The following CACNA2D3 variants were observed in gnomAD, a reference collection of about 807,000 sequenced individuals.
CACNA2D3 encodes the protein calcium voltage-gated channel auxiliary subunit alpha2delta 3.
Under a neutral mutation model 160.6 loss-of-function variants are expected in CACNA2D3, and 60 were observed. That is an observed-to-expected ratio of 0.37 (90% CI 0.30 to 0.46). The LOEUF is 0.46. Among genes scored for constraint, CACNA2D3 ranks in the 20% least tolerant of loss-of-function variants. CACNA2D3 has a pLI of 1.00. For synonymous variants in CACNA2D3, 558 were observed against 492.9 expected, an observed-to-expected ratio of 1.13 and a Z score of -1.75; for missense variants, 1,205 against 1,365.0, an observed-to-expected ratio of 0.88 and a Z score of 1.85.
At chr3:54,851,390 A>G (rs1183803024) in intron 17 of CACNA2D3, among the ~76,000 whole-genome samples, 1 of 152,194 alleles carries the variant, frequency 6.6e-6, no homozygotes, top group African/African-American at 2.4e-5. Context: ...AAATATCCTC[A>G]TGTTACAGAT....
intron 13 of CACNA2D3, among the ~76,000 whole-genome samples, chr3:54,790,598 T>G (rs1165043579): frequency 6.6e-6 from 1 of 152,214 alleles, no homozygotes; most frequent in Admixed American, 6.5e-5. Context: ...TCGGAATTCC[T>G]GATGCCTGAT....
intron 13 of CACNA2D3, among the ~76,000 whole-genome samples, chr3:54,806,567 T>A (rs1042850461): frequency 1.3e-5 from 2 of 151,822 alleles, no homozygotes; most frequent in African/African-American, 4.8e-5. Context: ...TACAAACAAA[T>A]GGAAGAAAAT....
At chr3:54,582,080 C>T (rs1307293055) in intron 9 of CACNA2D3, among the ~76,000 whole-genome samples, 2 of 152,172 alleles carry the variant, frequency 1.3e-5, no homozygotes, top group Non-Finnish European at 2.9e-5. Context: ...CTTGCTAGTT[C>T]TGAAACAATT....
chr3:54,374,610 T>G (rs990406026), intron 3 of CACNA2D3, among the ~76,000 whole-genome samples: 3 of 152,178 alleles, frequency 2.0e-5, no homozygotes, highest in East Asian at 3.9e-4. Flanking sequence ...TCAGTGTTCC[T>G]CCTGAGCTCA....
intron 17 of CACNA2D3, among the ~76,000 whole-genome samples, chr3:54,855,700 C>G (rs559480185): frequency 6.7e-4 from 102 of 152,308 alleles, no homozygotes; most frequent in African/African-American, 2.3e-3. Flanking sequence ...CATTATTTAT[C>G]TATCTCCCAT....
intron 27 of CACNA2D3, among the ~76,000 whole-genome samples, chr3:54,965,419 G>A (rs919390204): frequency 6.6e-6 from 1 of 152,034 alleles, no homozygotes; most frequent in African/African-American, 2.4e-5. Flanking sequence ...ATCTTCCCTG[G>A]CTTCTTACTG....
chr3:54,495,958 T>C (rs1050550271), intron 4 of CACNA2D3, among the ~76,000 whole-genome samples: 1 of 152,248 alleles, frequency 6.6e-6, no homozygotes. Context: ...TCAGAATGTT[T>C]GTGAGATTCA....
chr3:54,515,205 A>G (rs933406791), intron 5 of CACNA2D3, among the ~76,000 whole-genome samples: 1 of 150,770 alleles, frequency 6.6e-6, no homozygotes, highest in African/African-American at 2.4e-5. Context: ...TGTGTGAGAG[A>G]GAGAGAGAGA....
chr3:54,190,191 C>T (rs1700954637), intron 2 of CACNA2D3, among the ~76,000 whole-genome samples: 1 of 152,158 alleles, frequency 6.6e-6, no homozygotes, highest in Non-Finnish European at 1.5e-5. Context: ...CCTCCAAAGG[C>T]CCTGCTTCCT....
Position 54,203,782 on chromosome 3 carries a change from C to T in CACNA2D3, c.204+80188C>T, listed in dbSNP as rs144631505. Reference sequence around the variant, plus strand: ...GCTTCCTCGATGTCCTCTCGCTGTCCGGCCGCTTGTGTCTTCTTCCGCTGA... The same window carrying T: ...GCTTCCTCGATGTCCTCTCGCTGTCTGGCCGCTTGTGTCTTCTTCCGCTGA... On this transcript the variant is annotated intron_variant, in intron 2 of 37. Transcript: ENST00000474759. Among the ~76,000 whole-genome samples, 325 of 152,150 alleles carry T rather than the reference C, an allele frequency of 2.1e-3. 2 individuals are homozygous for T. Among genetic ancestry groups the T allele is most frequent in the East Asian group, 0.02 (102 of 5,158 alleles).
At chr3:54,784,755 A>C (rs1023905959) in intron 13 of CACNA2D3, among the ~76,000 whole-genome samples, 1 of 152,212 alleles carries the variant, frequency 6.6e-6, no homozygotes, top group Non-Finnish European at 1.5e-5. Context: ...AGGGAGCAGC[A>C]GACTTCGTGA....
chr3:54,727,934 T>C (rs965244289), intron 11 of CACNA2D3, among the ~76,000 whole-genome samples: 17 of 152,270 alleles, frequency 1.1e-4, no homozygotes, highest in Admixed American at 2.0e-4. Flanking sequence ...TCTGTCATTT[T>C]AGACCTTTCT....
intron 27 of CACNA2D3, among the ~76,000 whole-genome samples, chr3:54,923,621 C>T (rs1700917307): frequency 6.6e-6 from 1 of 152,184 alleles, no homozygotes; most frequent in Non-Finnish European, 1.5e-5. Flanking sequence ...TAGGCACTGC[C>T]ATCTTCTCAG....
intron 2 of CACNA2D3, among the ~76,000 whole-genome samples, chr3:54,248,293 C>G (rs988659480): frequency 6.6e-6 from 1 of 151,860 alleles, no homozygotes. Context: ...CCAGCCTGGC[C>G]AACATAGTGA....
rs1190921989 is a variant in CACNA2D3 at position 55,074,379 on chromosome 3, CAA to C, written c.*177_*178del. 1.7e-6 allele frequency: 1 copy of C among 586,078 alleles called. No individual in the cohort carries two copies. Among genetic ancestry groups the C allele is most frequent in the Non-Finnish European group, 3.0e-6 (1 of 329,758 alleles). 36.3% of individuals were successfully genotyped at this position (586,078 alleles called of 1,614,324 possible). ...ATATAAACTCTTAAAGATATGTTGA[CAA>C]AAAGTTATCTATCATCTTTTTACTT... On this transcript the variant is annotated 3_prime_UTR_variant, in exon 38 of 38. Transcript: ENST00000474759.
chr3:54,311,865 T>C (rs1366891558), intron 2 of CACNA2D3, among the ~76,000 whole-genome samples: 1 of 152,202 alleles, frequency 6.6e-6, no homozygotes, highest in African/African-American at 2.4e-5. Flanking sequence ...TTTTTTGTAT[T>C]GGCATAGTCC....
intron 35 of CACNA2D3, among the ~76,000 whole-genome samples, chr3:55,037,931 G>A (rs938618418): frequency 9.2e-5 from 14 of 152,182 alleles, no homozygotes; most frequent in Non-Finnish European, 2.1e-4. Flanking sequence ...ACTGCAGTGA[G>A]CACCAGCGAT....
chr3:54,313,898 T>TC (rs1703803164), intron 2 of CACNA2D3, among the ~76,000 whole-genome samples: 1 of 152,090 alleles, frequency 6.6e-6, no homozygotes, highest in South Asian at 2.1e-4. Flanking sequence ...TTTAAATTTT[T>TC]TTTTTTTTAA....
rs1559466267 is a variant in CACNA2D3, at chr3:55,022,571, C to CTTCCTTCTTTCTTTCT, written c.2987+4261_2987+4262insTTTCTTTCTTTCCTTC. On this transcript the variant is annotated intron_variant, in intron 35 of 37. Transcript: ENST00000474759. ...CTTTCCTTCCTTCTTTCTTTCTTTC[C>CTTCCTTCTTTCTTTCT]TTCCTTCCTTCCTTCCTTTTTTCCT... Among the ~76,000 whole-genome samples, 13 of 48,492 alleles carry CTTCCTTCTTTCTTTCT rather than the reference C, an allele frequency of 2.7e-4. No individual in the cohort carries two copies. In the African/African-American group the frequency reaches 2.8e-3, roughly 10 times the overall value. The allele number at this position is 48,492 out of a possible 152,430, so 31.8% of individuals were successfully genotyped here. A position where few individuals can be genotyped will look rare whatever the true frequency, so the allele number is the denominator to read the frequency against.
Sources: allele counts gnomAD v4.1 joint callset (sites outside exome capture counted in the v4.1 genomes callset), GRCh38; gene constraint gnomAD v4.1.1; transcripts MANE v1.5; gene names NCBI Gene and HGNC (gene_info 2026-07-23, HGNC 2026-07-21).